Variants in SUGP1 observed in about 807,000 individuals in gnomAD.
SUGP1 encodes the protein SURP and G-patch domain containing 1, also known as SURP and G-patch domain-containing protein 1.
SUGP1 carries 34 observed loss-of-function variants against 76.5 expected under a neutral mutation model. That is an observed-to-expected ratio of 0.44 (90% CI 0.34 to 0.59). The LOEUF (loss-of-function observed/expected upper bound fraction) is 0.59, where lower values mean the gene tolerates loss of function less well. Among genes scored for constraint, SUGP1 ranks in the 20% least tolerant of loss-of-function variants. SUGP1 has a pLI of 0.01. For missense variants in SUGP1, 752 were observed against 851.7 expected, an observed-to-expected ratio of 0.88 and a Z score of 1.46; for synonymous variants, 326 against 326.2, an observed-to-expected ratio of 1.00 and a Z score of 0.01.
intron 2 of SUGP1, 44 bp from the exon 3 acceptor site, chr19:19,310,244 T>G (rs1325532807): frequency 2.0e-6 from 3 of 1,465,630 alleles, no homozygotes; most frequent in Non-Finnish European, 2.9e-6. Flanking sequence ...TGGCTAGAGA[T>G]GGAGTGAGGG....
chr19:19,299,099 C>G (rs2061251488), intron 7 of SUGP1, among the ~76,000 whole-genome samples: 1 of 152,212 alleles, frequency 6.6e-6, no homozygotes, highest in South Asian at 2.1e-4. Flanking sequence ...TAAGGTGTTT[C>G]CTGCCAGTTT....
chr19:19,287,702 C>G (rs1051045310), intron 8 of SUGP1, among the ~76,000 whole-genome samples: 1 of 152,104 alleles, frequency 6.6e-6, no homozygotes, highest in Non-Finnish European at 1.5e-5. Context: ...GGCAGCAGCA[C>G]CAGAAAAGAA....
chr19:19,277,931 C>T, intron 11 of SUGP1, 52 bp from the exon 12 acceptor site: 1 of 1,600,972 alleles, frequency 6.2e-7, no homozygotes, highest in Non-Finnish European at 8.5e-7. Context: ...CTGTGGTGGC[C>T]CCCAAATCCA....
chr19:19,305,473 T>C (rs1019416093), intron 4 of SUGP1, among the ~76,000 whole-genome samples: 4 of 152,184 alleles, frequency 2.6e-5, no homozygotes, highest in South Asian at 2.1e-4. Flanking sequence ...GGCAGTGCTT[T>C]GGGGCCTCAA....
At chr19:19,297,437 G>T in intron 7 of SUGP1, 93 bp from the exon 8 acceptor site, 2 of 974,210 alleles carry the variant, frequency 2.1e-6, no homozygotes, top group Non-Finnish European at 3.0e-6. Context: ...GTGTGCCCAC[G>T]TTGGCCAGGG....
intron 3 of SUGP1, among the ~76,000 whole-genome samples, chr19:19,306,360 TTCTGGGGACAGA>T (rs1434352463): frequency 2.0e-5 from 3 of 152,112 alleles, no homozygotes; most frequent in African/African-American, 7.2e-5. Flanking sequence ...CTGGGGACAG[TTCTGGGGACAGA>T]ACGTCAGTTC....
At chr19:19,298,020 G>A (rs760651873) in intron 7 of SUGP1, among the ~76,000 whole-genome samples, 5 of 152,222 alleles carry the variant, frequency 3.3e-5, no homozygotes, top group Admixed American at 6.5e-5. Context: ...AAAAGGGAGA[G>A]TCTTGGCCCA....
intron 3 of SUGP1, among the ~76,000 whole-genome samples, chr19:19,307,884 C>A (rs748909795): frequency 6.6e-6 from 1 of 151,974 alleles, no homozygotes; most frequent in Non-Finnish European, 1.5e-5. Flanking sequence ...AGGCTGGTCT[C>A]GAACTCCTGA....
At chr19:19,296,503 C>T (rs1381411010) in intron 8 of SUGP1, among the ~76,000 whole-genome samples, 2 of 151,754 alleles carry the variant, frequency 1.3e-5, no homozygotes, top group Non-Finnish European at 2.9e-5. Context: ...AAAAATTAGG[C>T]GGGCATGGTG....
At chr19:19,287,088 A>G (rs186565839) in intron 8 of SUGP1, among the ~76,000 whole-genome samples, 12 of 152,346 alleles carry the variant, frequency 7.9e-5, no homozygotes, top group African/African-American at 2.6e-4. Context: ...CAGCCTGAGC[A>G]ACATGGTGAA....
intron 9 of SUGP1, 52 bp downstream of exon 9, chr19:19,280,133 A>G (rs1274000205): frequency 6.4e-7 from 1 of 1,559,780 alleles, no homozygotes; most frequent in East Asian, 2.2e-5. Context: ...GTAGAGGACA[A>G]CACTCTATGG....
intron 1 of SUGP1, among the ~76,000 whole-genome samples, chr19:19,320,179 T>C (rs1413387870): frequency 1.3e-5 from 2 of 151,832 alleles, no homozygotes; most frequent in Non-Finnish European, 2.9e-5. Flanking sequence ...GGAACGGAGG[T>C]TGGAGCAGCC....
Position 19,306,041 on chromosome 19 carries a change from T to TGCTGGGAGGGGCGCTGGGCGC in SUGP1, c.325_345dup (p.Ala109_Ser115dup). 6.2e-7 allele frequency: 1 copy of TGCTGGGAGGGGCGCTGGGCGC among 1,609,200 alleles called. No individual in the cohort carries two copies. The highest frequency in any genetic ancestry group is 8.5e-7 in the Non-Finnish European group (1 of 1,178,040). On this transcript the variant is annotated inframe_insertion, in exon 4 of 14. Coordinates refer to ENST00000247001, the MANE Select transcript of SUGP1 (RefSeq NM_172231.4). ...CTCTTCCCAGCGCTGGGGGTGGGTG[T>TGCTGGGAGGGGCGCTGGGCGC]GCTGGGAGGGGCGCTGGGCGCACTG...
At chr19:19,278,011 C>T in intron 11 of SUGP1, 132 bp from the exon 12 acceptor site, 1 of 1,117,728 alleles carries the variant, frequency 8.9e-7, no homozygotes, top group Non-Finnish European at 1.3e-6. Context: ...CCAGATCAGA[C>T]TCCTTGAGAA....
At chr19:19,297,858 C>T (rs2061240797) in intron 7 of SUGP1, among the ~76,000 whole-genome samples, 1 of 152,180 alleles carries the variant, frequency 6.6e-6, no homozygotes, top group South Asian at 2.1e-4. Context: ...GTGTGGCTTC[C>T]AGTGAGGCTG....
rs200740823 is a variant in SUGP1 at position 19,305,923 on chromosome 19, G to A, written c.464C>T (p.Ala155Val). 33 of 1,613,500 alleles carry A rather than the reference G, an allele frequency of 2.0e-5. No individual in the cohort carries two copies. The highest frequency in any genetic ancestry group is 2.4e-5 in the Non-Finnish European group (28 of 1,179,922). Reference sequence around the variant, plus strand: ...GGACTGGAAGACACTCGGGCGGTGCGCCACGGGCAGCTGCTTGGCGTGGGA... The same window carrying A: ...GGACTGGAAGACACTCGGGCGGTGCACCACGGGCAGCTGCTTGGCGTGGGA... ...SYSHAKQLPV[A>V]HRPSVFQSPD... The change falls in exon 4 of 14, where the codon GCG becomes GTG. Residue 155 changes from alanine (A) to valine (V), a missense_variant. Around this residue, in one of 2 missense-constraint regions of SUGP1, gnomAD observed 620 missense variants for 617.3 expected, o/e 1.00. Coordinates refer to ENST00000247001, the MANE Select transcript of SUGP1 (RefSeq NM_172231.4).
At chr19:19,320,161 C>T (rs1024049238) in intron 1 of SUGP1, among the ~76,000 whole-genome samples, 2 of 152,138 alleles carry the variant, frequency 1.3e-5, no homozygotes, top group African/African-American at 4.8e-5. Context: ...AGGTTGTCGC[C>T]GTATTGGGGA....
At chr19:19,306,141 A>AT in intron 3 of SUGP1, 65 bp from the exon 4 acceptor site, 4 of 1,420,002 alleles carry the variant, frequency 2.8e-6, no homozygotes, top group Non-Finnish European at 2.8e-6. Context: ...CTTCCGACCT[A>AT]ACCTAGGTGC....
At position 19,301,236 on chromosome 19, in the gene SUGP1, G is replaced by A. The variant is rs57915152; in HGVS notation, c.887+1029C>T. On this transcript the variant is annotated intron_variant, in intron 7 of 13. Coordinates refer to ENST00000247001, the MANE Select transcript of SUGP1 (RefSeq NM_172231.4). ...TGAACTCCAGGCCTAAACAATCCAC[G>A]GCCCCAACACAGGCTCCTGGACACA... Among the ~76,000 whole-genome samples the A allele has an allele frequency of 7.2e-3, 1,094 of 152,064 alleles. 52 individuals are homozygous for A. The highest frequency in any genetic ancestry group is 0.059 in the Admixed American group (899 of 15,268).
Sources: gnomAD v4.1 joint callset for allele counts (sites outside exome capture counted in the v4.1 genomes callset) on GRCh38, gnomAD v4.1.1 for gene constraint, gnomAD v4.1.1 regional missense constraint, MANE v1.5 for transcripts, NCBI Gene and HGNC (gene_info 2026-07-23, HGNC 2026-07-21) for gene names.